Variants in LEPROTL1 observed in about 807,000 individuals in gnomAD.
The protein encoded by LEPROTL1 is leptin receptor overlapping transcript like 1.
A neutral mutation model predicts 15.4 loss-of-function variants in LEPROTL1; 6 were observed. That is an observed-to-expected ratio of 0.39 (90% CI 0.21 to 0.77). LEPROTL1 has a LOEUF of 0.77. Ranked by LOEUF, LEPROTL1 falls within the 30% of genes least tolerant of loss-of-function variation. The pLI is 0.41. For synonymous variants in LEPROTL1, 56 were observed against 52.6 expected, an observed-to-expected ratio of 1.06 and a Z score of -0.28; for missense variants, 128 against 158.1, an observed-to-expected ratio of 0.81 and a Z score of 1.02.
chr8:30,107,300 T>A lies in LEPROTL1; in HGVS notation c.*1438T>A. 2 of 985,680 alleles carry A rather than the reference T, an allele frequency of 2.0e-6. No individual in the cohort carries two copies. The highest frequency in any genetic ancestry group is 2.4e-6 in the Non-Finnish European group (2 of 829,870). The allele number at this position is 985,680 out of a possible 1,614,324, so 61.1% of individuals were successfully genotyped here. ...ATTTATAGTGGTCGTTTACATCTAA[T>A]AATTATCAGGACTTTTTTCAGGAGT... On this transcript the variant is annotated 3_prime_UTR_variant, in exon 4 of 4. Transcript: ENST00000321250.
At position 30,108,452 on chromosome 8, in the gene LEPROTL1, T is replaced by C. The variant is rs1217584443; in HGVS notation, c.*2590T>C. The C allele has an allele frequency of 6.6e-6, 1 of 152,216 alleles. No individual in the cohort carries two copies. 9.4% of individuals were successfully genotyped at this position (152,216 alleles called of 1,614,324 possible). A position where few individuals can be genotyped will look rare whatever the true frequency, so the allele number is the denominator to read the frequency against. On this transcript the variant is annotated 3_prime_UTR_variant, in exon 4 of 4. Transcript: ENST00000321250. ...CTCATTATTATAGCATGTTACTTTT[T>C]GCAAACATTTTAAACAAAAAATATT...
chr8:30,105,894 T>C lies in LEPROTL1; in HGVS notation c.*32T>C, dbSNP rs921426286. 1.4e-6 allele frequency: 2 copies of C among 1,462,456 alleles called. No homozygotes were observed. The highest frequency in any genetic ancestry group is 1.4e-5 in the South Asian group (1 of 70,368). The allele number at this position is 1,462,456 out of a possible 1,614,324, so 90.6% of individuals were successfully genotyped here. A position where few individuals can be genotyped will look rare whatever the true frequency, so the allele number is the denominator to read the frequency against. On this transcript the variant is annotated 3_prime_UTR_variant, in exon 4 of 4. Coordinates refer to ENST00000321250, the MANE Select transcript of LEPROTL1 (RefSeq NM_015344.3). ...ATTACTGAACTATTGTCAAATGGAC[T>C]TCCTGTCATTTGTTGGCCATTCACG...
chr8:30,102,148 C>G lies in LEPROTL1; in HGVS notation c.92+175C>G, dbSNP rs1211067683. 2.6e-5 allele frequency among the ~76,000 whole-genome samples: 4 copies of G among 152,058 alleles called. 1 individual carries two copies. The East Asian group carries it at 7.7e-4, about 29-fold the overall frequency. Reference sequence around the variant, plus strand: ...TTTGTTTCTAAAGATTTTAGGACACCAAGATGCAAATAATATTTTTGGCTG... The same window carrying G: ...TTTGTTTCTAAAGATTTTAGGACACGAAGATGCAAATAATATTTTTGGCTG... On this transcript the variant is annotated intron_variant, in intron 2 of 3. Transcript: ENST00000321250.
intron 3 of LEPROTL1, among the ~76,000 whole-genome samples, chr8:30,118,025 T>G (rs1209003349): frequency 3.5e-5 from 5 of 142,382 alleles, no homozygotes; most frequent in South Asian, 2.3e-4. Context: ...ATTTGTTTTT[T>G]TTTTTTTTTT....
At chr8:30,100,399 A>G (rs1180701637) in intron 1 of LEPROTL1, among the ~76,000 whole-genome samples, 2 of 152,252 alleles carry the variant, frequency 1.3e-5, no homozygotes, top group African/African-American at 4.8e-5. Flanking sequence ...TAGCCACTGT[A>G]ACTGTAGAAA....
At chr8:30,102,766 A>G (rs1802491154) in intron 2 of LEPROTL1, among the ~76,000 whole-genome samples, 1 of 152,182 alleles carries the variant, frequency 6.6e-6, no homozygotes. Context: ...AATAAATACA[A>G]AAAGAGAACT....
At chr8:30,103,635 C>T (rs930037039) in intron 2 of LEPROTL1, among the ~76,000 whole-genome samples, 5 of 150,720 alleles carry the variant, frequency 3.3e-5, no homozygotes, top group African/African-American at 1.2e-4. Context: ...CAGCTAGTCA[C>T]GGGGGCTGAG....
At chr8:30,132,303 C>T in intron 3 of LEPROTL1, 1 of 1,551,740 alleles carries the variant, frequency 6.4e-7, no homozygotes, top group Non-Finnish European at 8.7e-7. Context: ...GGAATACAAG[C>T]CGTCGGAGCC....
chr8:30,100,209 GT>G (rs1802442304), intron 1 of LEPROTL1, among the ~76,000 whole-genome samples: 1 of 147,414 alleles, frequency 6.8e-6, no homozygotes, highest in Non-Finnish European at 1.5e-5. Context: ...GATTATGACT[GT>G]TTTAGTTGTG....
chr8:30,129,419 C>T (rs143441619), intron 3 of LEPROTL1, among the ~76,000 whole-genome samples: 180 of 152,186 alleles, frequency 1.2e-3, no homozygotes, highest in Middle Eastern at 3.4e-3. Context: ...AAAGAACTAC[C>T]TGAGGCCGGG....
At chr8:30,104,528 A>G (rs755953380) in intron 3 of LEPROTL1, 42 bp downstream of exon 3, 3 of 1,354,382 alleles carry the variant, frequency 2.2e-6, no homozygotes, top group Non-Finnish European at 3.0e-6. Context: ...TATATTGAAC[A>G]TGTGTTACAT....
intron 1 of LEPROTL1, among the ~76,000 whole-genome samples, chr8:30,097,022 A>G (rs1802377252): frequency 6.6e-6 from 1 of 152,188 alleles, no homozygotes; most frequent in African/African-American, 2.4e-5. Context: ...CTTTGTAATC[A>G]CAGAATCAGC....
intron 3 of LEPROTL1, among the ~76,000 whole-genome samples, chr8:30,116,450 G>C (rs1053380667): frequency 1.3e-5 from 2 of 152,236 alleles, no homozygotes; most frequent in Admixed American, 6.5e-5. Flanking sequence ...TAAGGAGCGC[G>C]CAACCTAGAT....
chr8:30,133,130 T>C (rs1321835976), intron 4 of LEPROTL1, among the ~76,000 whole-genome samples: 1 of 152,178 alleles, frequency 6.6e-6, no homozygotes, highest in Non-Finnish European at 1.5e-5. Context: ...TTGCCCAGGC[T>C]GATCTGAAAC....
intron 3 of LEPROTL1, among the ~76,000 whole-genome samples, chr8:30,116,382 G>T (rs142052806): frequency 6.6e-6 from 1 of 152,172 alleles, no homozygotes; most frequent in African/African-American, 2.4e-5. Context: ...ACAGGGAGGC[G>T]GGGGATGGTT....
In LEPROTL1 at chr8:30,106,065, G is replaced by A. The variant is rs1198033269; in HGVS notation, c.*203G>A. The A allele has an allele frequency of 1.1e-5, 12 of 1,107,888 alleles. No individual in the cohort carries two copies. Among genetic ancestry groups the A allele is most frequent in the Non-Finnish European group, 1.3e-5 (12 of 905,728 alleles). The allele number at this position is 1,107,888 out of a possible 1,614,324, so 68.6% of individuals were successfully genotyped here. ...TAAAAGGATTTTCTCTTTTGGAAAA[G>A]CTTGACTGATTTCACACTTATCTAT... On this transcript the variant is annotated 3_prime_UTR_variant, in exon 4 of 4. Coordinates refer to ENST00000321250, the MANE Select transcript of LEPROTL1 (RefSeq NM_015344.3).
At chr8:30,111,132 A>T (rs902229812), downstream of LEPROTL1, among the ~76,000 whole-genome samples, 2 of 152,364 alleles carry the variant, frequency 1.3e-5, no homozygotes, top group African/African-American at 4.8e-5. Context: ...GATTAAACCA[A>T]GTGTAGGTGG....
chr8:30,137,353 C>A, exon 5 of LEPROTL1: 1 of 1,551,656 alleles, frequency 6.4e-7, no homozygotes, highest in East Asian at 2.4e-5. Flanking sequence ...GCTGCCTCTC[C>A]CAGCAGCCGC....
intron 3 of LEPROTL1, among the ~76,000 whole-genome samples, chr8:30,120,057 C>T (rs953149423): frequency 9.2e-5 from 13 of 140,756 alleles, no homozygotes; most frequent in Admixed American, 1.6e-4. Flanking sequence ...CAGAGTGAGA[C>T]TCCATCAATA....
Sources: allele counts gnomAD v4.1 joint callset (sites outside exome capture counted in the v4.1 genomes callset), GRCh38; gene constraint gnomAD v4.1.1; transcripts MANE v1.5; gene names NCBI Gene and HGNC (gene_info 2026-07-23, HGNC 2026-07-21).